Variants in USP36 observed in about 807,000 individuals in gnomAD.
USP36 encodes the protein ubiquitin carboxyl-terminal hydrolase 36.
A neutral mutation model predicts 111.5 loss-of-function variants in USP36; 59 were observed. That is an observed-to-expected ratio of 0.53 (90% CI 0.43 to 0.66). The LOEUF is 0.66. USP36 is among the 30% of genes least tolerant of loss of function. The pLI is 0.00. For synonymous variants in USP36, 628 were observed against 581.0 expected (o/e 1.08, Z -1.16); for missense variants, 1,488 against 1,468.0 (o/e 1.01, Z -0.22).
intron 6 of USP36, chr17:78,826,716 T>C (rs7212290): frequency 0.024 from 4,997 of 210,324 alleles, 240 homozygotes; most frequent in African/African-American, 0.1. Context: ...CCATCACATA[T>C]AAGGGCTTAC....
rs755446169 is a variant in USP36, at chr17:78,802,460, C to T, written c.2886G>A (p.Lys962=). 6.3e-7 allele frequency: 1 copy of T among 1,587,964 alleles called. No individual in the cohort carries two copies. The highest frequency in any genetic ancestry group is 1.1e-5 in the South Asian group (1 of 90,320). ...CTTCTACTGCCCGCTGTGTCTCCTG[C>T]TTTCTTTTTTTCTTTTTCTTTTTCC... ...SPRKKKKKKR[K]QETQRAVEED... The change falls in exon 17 of 21, where the codon AAG becomes AAA. Residue 962 remains lysine (K), a synonymous_variant. Transcript: ENST00000449938.
intron 1 of USP36, among the ~76,000 whole-genome samples, chr17:78,839,013 C>T (rs2068986885): frequency 6.6e-6 from 1 of 152,180 alleles, no homozygotes; most frequent in Admixed American, 6.5e-5. Context: ...TGCCAGTCAG[C>T]TCCAGTCTAA....
chr17:78,836,565 A>G (rs9895939), intron 2 of USP36, among the ~76,000 whole-genome samples, 193 bp from the exon 3 acceptor site: 8,894 of 152,120 alleles, frequency 0.058, 850 homozygotes, highest in African/African-American at 0.2. Flanking sequence ...ATTAGTTCAC[A>G]TTTCCCCCAC....
intron 3 of USP36, 172 bp downstream of exon 3, chr17:78,835,939 T>C (rs2068624846): frequency 2.1e-6 from 2 of 963,418 alleles, no homozygotes; most frequent in Non-Finnish European, 3.0e-6. Context: ...ATTTCCTTGC[T>C]ACCAACCCTG....
At chr17:78,841,060 G>C (rs1013652681), upstream of USP36, 1 of 152,234 alleles carries the variant, frequency 6.6e-6, no homozygotes, top group African/African-American at 2.4e-5. Flanking sequence ...CCTGTGCCGC[G>C]GCAGGGTGAC....
rs146302851 is a variant in USP36 at position 78,807,620 on chromosome 17, G to A, written c.1424C>T (p.Thr475Met). The part of the protein sequence containing the change: ...PLTGKRQDSG[T>M]MKKPHTTEEI... ...TTCAGTGGTGTGCGGCTTCTTCATC[G>A]TCCCAGAGTCTTGTCGCTAAGGAGA... The change falls in exon 14 of 21, where the codon ACG (threonine) becomes ATG (methionine). Residue 475 changes from threonine to methionine, a missense_variant. Physicochemically the swap from Thr to Met is moderately conservative, Grantham distance 81. Around this residue, in one of 3 missense-constraint regions of USP36, gnomAD observed 1,073 missense variants for 994.1 expected, o/e 1.08. Transcript: ENST00000449938. 49 of 1,530,872 alleles carry A rather than the reference G, an allele frequency of 3.2e-5. No homozygotes were observed. Among genetic ancestry groups the A allele is most frequent in the East Asian group, 1.4e-4 (6 of 44,108 alleles). The allele number at this position is 1,530,872 out of a possible 1,614,324, so 94.8% of individuals were successfully genotyped here. A position where few individuals can be genotyped will look rare whatever the true frequency, so the allele number is the denominator to read the frequency against.
chr17:78,808,194 C>A (rs1248406742), intron 13 of USP36, among the ~76,000 whole-genome samples: 2 of 152,122 alleles, frequency 1.3e-5, no homozygotes, highest in Admixed American at 6.5e-5. Context: ...AGAGTTGCAT[C>A]CCAGTTTTAT....
At chr17:78,834,936 G>C (rs2068508204) in intron 4 of USP36, among the ~76,000 whole-genome samples, 1 of 151,490 alleles carries the variant, frequency 6.6e-6, no homozygotes, top group Non-Finnish European at 1.5e-5. Context: ...AGTTGTGATG[G>C]AGCCACTGCA....
chr17:78,840,874 G>T (rs1055382578), upstream of USP36: 1 of 152,320 alleles, frequency 6.6e-6, no homozygotes, highest in Non-Finnish European at 1.5e-5. Context: ...CGCACCCAGC[G>T]TTCGCGCTGC....
intron 8 of USP36, 123 bp downstream of exon 8, chr17:78,820,868 A>G: frequency 9.7e-7 from 1 of 1,029,126 alleles, no homozygotes; most frequent in Non-Finnish European, 1.5e-6. Flanking sequence ...GCAAGGCGGC[A>G]GGGAGCAAAG....
downstream of USP36, among the ~76,000 whole-genome samples, chr17:78,793,433 G>C (rs1194862614): frequency 6.6e-6 from 1 of 152,152 alleles, no homozygotes; most frequent in African/African-American, 2.4e-5. Flanking sequence ...CGAATCCATG[G>C]CACCCAGATG....
intron 18 of USP36, 72 bp from the exon 19 acceptor site, chr17:78,799,095 C>A: frequency 1.4e-6 from 2 of 1,396,022 alleles, no homozygotes; most frequent in South Asian, 2.3e-5. Context: ...TCAAGAGTGT[C>A]ATTTACCAAC....
At chr17:78,791,328 T>C (rs2093582534), downstream of USP36, among the ~76,000 whole-genome samples, 1 of 151,922 alleles carries the variant, frequency 6.6e-6, no homozygotes, top group African/African-American at 2.4e-5. Context: ...GAGACGGGGT[T>C]TCTCCATGTT....
Position 78,825,522 on chromosome 17 carries a change from C to T in USP36, c.689+1723G>A, listed in dbSNP as rs192292211. Among the ~76,000 whole-genome samples the T allele has an allele frequency of 3.3e-5, 5 of 152,148 alleles. No homozygotes were observed. In the East Asian group the frequency reaches 9.6e-4, roughly 29 times the overall value. ...CAATGCCTGGCCACCTGACACCTGG[C>T]CTCCCTCCTCTTTCCAGCAATCCTG... On this transcript the variant is annotated intron_variant, in intron 6 of 20. Transcript: ENST00000449938.
At chr17:78,793,544 G>A (rs771370714), downstream of USP36, among the ~76,000 whole-genome samples, 3 of 152,190 alleles carry the variant, frequency 2.0e-5, no homozygotes, top group Non-Finnish European at 4.4e-5. Flanking sequence ...CTCCGGGCAA[G>A]AGTGTGACTC....
At position 78,802,318 on chromosome 17, in the gene USP36, G is replaced by T. The variant is rs1376117316; in HGVS notation, c.3022+6C>A. 1 of 1,565,684 alleles carries T rather than the reference G, an allele frequency of 6.4e-7. No homozygotes were observed. The highest frequency in any genetic ancestry group is 1.4e-5 in the African/African-American group (1 of 73,594). On this transcript the variant is annotated splice_donor_region_variant and intron_variant, in intron 17 of 20. Transcript: ENST00000449938. ...TGCGGTTCCCACCCCCTCGCCCGGT[G>T]CATACCCATGCGGTCCCCAGGACAC...
At chr17:78,819,821 C>T (rs1034916812) in intron 9 of USP36, 109 bp downstream of exon 9, 6 of 1,109,900 alleles carry the variant, frequency 5.4e-6, no homozygotes, top group Non-Finnish European at 5.2e-6. Context: ...TCAAGAAATG[C>T]GAGCAGCGGT....
chr17:78,827,805 TGGCTGAGGCAGGAGGATG>T (rs1161467675), intron 5 of USP36, among the ~76,000 whole-genome samples: 1 of 152,136 alleles, frequency 6.6e-6, no homozygotes, highest in Non-Finnish European at 1.5e-5. Context: ...GCTACTTAGG[TGGCTGAGGCAGGAGGATG>T]GGTTGAGCCT....
At chr17:78,828,672 C>G (rs1050723675) in intron 5 of USP36, among the ~76,000 whole-genome samples, 1 of 152,126 alleles carries the variant, frequency 6.6e-6, no homozygotes, top group African/African-American at 2.4e-5. Flanking sequence ...CTACCAACTC[C>G]CCAGCACCTC....
Sources: allele counts gnomAD v4.1 joint callset (sites outside exome capture counted in the v4.1 genomes callset), GRCh38; gene constraint gnomAD v4.1.1; regional missense constraint gnomAD v4.1.1; transcripts MANE v1.5; gene names NCBI Gene and HGNC (gene_info 2026-07-23, HGNC 2026-07-21).